The following MAP4K4 variants were observed in gnomAD, a reference collection of about 807,000 sequenced individuals.
The protein encoded by MAP4K4 is mitogen-activated protein kinase kinase kinase kinase 4.
Under a neutral mutation model 189.6 loss-of-function variants are expected in MAP4K4, and 38 were observed. The observed-to-expected ratio is 0.20, with a 90% CI of 0.15 to 0.26. The LOEUF is 0.26. Ranked by LOEUF, MAP4K4 falls within the 10% of genes least tolerant of loss-of-function variation. MAP4K4 has a pLI of 1.00. For synonymous variants in MAP4K4, 610 were observed against 624.3 expected, an observed-to-expected ratio of 0.98 and a Z score of 0.34; for missense variants, 1,054 against 1,726.9, an observed-to-expected ratio of 0.61 and a Z score of 6.91.
chr2:101,743,244 T>C (rs866416391), intron 2 of MAP4K4, among the ~76,000 whole-genome samples: 1 of 152,190 alleles, frequency 6.6e-6, no homozygotes, highest in Non-Finnish European at 1.5e-5. Flanking sequence ...CATGAGCAGA[T>C]AGATGTTGAT....
rs148443588 is a variant in MAP4K4 at position 101,875,509 on chromosome 2, C to T, written c.3241+1257C>T. ...ATGAACAGAGAGAGGGCTGTAGGAG[C>T]GTTGTTCTCTCAATGCCGTCACAAT... On this transcript the variant is annotated intron_variant, in intron 26 of 32. Transcript: ENST00000324219. 1.0e-3 allele frequency among the ~76,000 whole-genome samples: 159 copies of T among 152,148 alleles called. 2 individuals carry two copies. The highest frequency in any genetic ancestry group is 3.7e-3 in the African/African-American group (152 of 41,506).
intron 2 of MAP4K4, among the ~76,000 whole-genome samples, chr2:101,769,410 T>G (rs2080228588): frequency 6.6e-6 from 1 of 152,074 alleles, no homozygotes; most frequent in East Asian, 1.9e-4. Context: ...ACAGATAGAA[T>G]TTTGAGAAGA....
rs553586105 is a variant in MAP4K4, at chr2:101,857,658, C to T, written c.1396-1338C>T. On this transcript the variant is annotated intron_variant, in intron 13 of 32. Coordinates refer to ENST00000324219, the Ensembl canonical transcript of MAP4K4. ...ACATAGACACAAGAGACGTAGATCC[C>T]AGGTCAGAACCAGATATGTTTGTCA... Among the ~76,000 whole-genome samples, 192 of 152,314 alleles carry T rather than the reference C, an allele frequency of 1.3e-3. 1 individual carries two copies. The highest frequency in any genetic ancestry group is 4.5e-3 in the African/African-American group (188 of 41,562).
chr2:101,809,688 C>T (rs1161664219), intron 3 of MAP4K4, among the ~76,000 whole-genome samples: 1 of 152,156 alleles, frequency 6.6e-6, no homozygotes, highest in East Asian at 1.9e-4. Context: ...AGTGGTTCAG[C>T]CCCAGTACTT....
chr2:101,880,664 A>G (rs538471485), intron 27 of MAP4K4, among the ~76,000 whole-genome samples: 1 of 151,954 alleles, frequency 6.6e-6, no homozygotes, highest in African/African-American at 2.4e-5. Flanking sequence ...ATGTGCCACC[A>G]TGCCTGGCTG....
At chr2:101,792,274 G>A (rs182865074) in intron 3 of MAP4K4, among the ~76,000 whole-genome samples, 1 of 152,174 alleles carries the variant, frequency 6.6e-6, no homozygotes, top group East Asian at 1.9e-4. Flanking sequence ...CACACTTTTT[G>A]ACTTGTTTAC....
chr2:101,798,371 A>G (rs917358106), intron 3 of MAP4K4, among the ~76,000 whole-genome samples: 1 of 152,232 alleles, frequency 6.6e-6, no homozygotes, highest in Non-Finnish European at 1.5e-5. Flanking sequence ...GGTGTAGAGT[A>G]ATATAAAAAT....
At chr2:101,846,517 A>T (rs2097114864) in intron 12 of MAP4K4, among the ~76,000 whole-genome samples, 1 of 152,226 alleles carries the variant, frequency 6.6e-6, no homozygotes, top group Non-Finnish European at 1.5e-5. Context: ...ACGAGTATCC[A>T]TTATCCAGCC....
chr2:101,818,420 G>T (rs996349547), intron 3 of MAP4K4, among the ~76,000 whole-genome samples: 10 of 152,070 alleles, frequency 6.6e-5, no homozygotes, highest in African/African-American at 2.4e-4. Context: ...CTGTAAAGAG[G>T]GTATGCCAGG....
intron 2 of MAP4K4, among the ~76,000 whole-genome samples, chr2:101,735,571 T>C (rs903016239): frequency 6.6e-6 from 1 of 152,148 alleles, no homozygotes; most frequent in African/African-American, 2.4e-5. Context: ...AGTCATTTGT[T>C]GGGTGGCCAA....
At chr2:101,844,334 G>C in intron 12 of MAP4K4, 23 bp downstream of exon 12, 1 of 1,548,840 alleles carries the variant, frequency 6.5e-7, no homozygotes, top group Non-Finnish European at 8.7e-7. Flanking sequence ...AAATGTCCAA[G>C]TTGGTTGGTC....
chr2:101,762,615 G>A (rs933806523), intron 2 of MAP4K4, among the ~76,000 whole-genome samples: 5 of 152,200 alleles, frequency 3.3e-5, no homozygotes, highest in African/African-American at 1.2e-4. Flanking sequence ...TAAGGGCATG[G>A]CCATCTAAAT....
chr2:101,867,913 C>A, intron 20 of MAP4K4, 116 bp from the exon 21 acceptor site: 1 of 994,900 alleles, frequency 1.0e-6, no homozygotes, highest in Non-Finnish European at 1.6e-6. Flanking sequence ...TCATTTCCTG[C>A]TTGAACTGAT....
intron 2 of MAP4K4, among the ~76,000 whole-genome samples, chr2:101,740,823 C>G (rs2062412079): frequency 6.6e-6 from 1 of 152,140 alleles, no homozygotes; most frequent in Non-Finnish European, 1.5e-5. Context: ...GAAAACCTTG[C>G]TAAATTTTGT....
chr2:101,726,047 A>G (rs181320084), intron 2 of MAP4K4, among the ~76,000 whole-genome samples: 29 of 152,254 alleles, frequency 1.9e-4, no homozygotes, highest in Non-Finnish European at 1.0e-4. Flanking sequence ...TTTTAGCTTC[A>G]CCGCTTCCTC....
intron 32 of MAP4K4, among the ~76,000 whole-genome samples, chr2:101,890,045 A>G (rs1008654892): frequency 7.9e-5 from 12 of 152,222 alleles, no homozygotes; most frequent in Non-Finnish European, 1.3e-4. Flanking sequence ...TATGTTTACC[A>G]TAGCTGCAAC....
intron 3 of MAP4K4, among the ~76,000 whole-genome samples, chr2:101,800,121 TA>T (rs11377244): frequency 1.2e-3 from 172 of 144,876 alleles, no homozygotes; most frequent in Middle Eastern, 7.1e-3. Context: ...TTCTTCTCCT[TA>T]AAAAAAAAAA....
intron 12 of MAP4K4, among the ~76,000 whole-genome samples, chr2:101,855,222 A>G (rs1454119341): frequency 6.6e-6 from 1 of 152,192 alleles, no homozygotes; most frequent in Non-Finnish European, 1.5e-5. Context: ...GATGCAGGGT[A>G]GAGGGTGGTT....
At chr2:101,875,249 C>A (rs991053312) in intron 26 of MAP4K4, among the ~76,000 whole-genome samples, 4 of 152,116 alleles carry the variant, frequency 2.6e-5, no homozygotes, top group Non-Finnish European at 5.9e-5. Context: ...TCCACCTTGA[C>A]AAGGATATAG....
Sources: allele counts gnomAD v4.1 joint callset (sites outside exome capture counted in the v4.1 genomes callset), GRCh38; gene constraint gnomAD v4.1.1; transcripts MANE v1.5; gene names NCBI Gene and HGNC (gene_info 2026-07-23, HGNC 2026-07-21).